Variants in AGAP1 observed in about 807,000 individuals in gnomAD.
The protein encoded by AGAP1 is ArfGAP with GTPase domain, ankyrin repeat and PH domain 1.
Under a neutral mutation model 105.3 loss-of-function variants are expected in AGAP1, and 29 were observed. The ratio of observed to expected loss-of-function variants is 0.28; its 90% CI spans 0.21 to 0.38. The LOEUF (loss-of-function observed/expected upper bound fraction) is 0.38, where lower values mean the gene tolerates loss of function less well. Among genes scored for constraint, AGAP1 ranks in the 10% least tolerant of loss-of-function variants. The pLI, the probability that AGAP1 is intolerant of heterozygous loss-of-function variation, is 1.00. For synonymous variants in AGAP1, 509 were observed against 485.9 expected (o/e 1.05, Z -0.63); for missense variants, 998 against 1,165.1 (o/e 0.86, Z 2.09).
At chr2:235,955,973 A>G (rs1052602041) in intron 12 of AGAP1, among the ~76,000 whole-genome samples, 1 of 152,190 alleles carries the variant, frequency 6.6e-6, no homozygotes, top group Non-Finnish European at 1.5e-5. Context: ...CTTTTCATAG[A>G]AACAGCTAAG....
At position 236,056,672 on chromosome 2, in the gene AGAP1, C is replaced by G. The variant is rs891475217; in HGVS notation, c.2114+7391C>G. 2.0e-5 allele frequency among the ~76,000 whole-genome samples: 3 copies of G among 152,192 alleles called. No homozygotes were observed. Among genetic ancestry groups the G allele is most frequent in the Non-Finnish European group, 4.4e-5 (3 of 68,036 alleles). Reference sequence around the variant, plus strand: ...TTTTGCTTATTTTGCACCAGAGACTCTCTGTCTTCTAGTGAACTTTTCTCT... The same window carrying G: ...TTTTGCTTATTTTGCACCAGAGACTGTCTGTCTTCTAGTGAACTTTTCTCT... On this transcript the variant is annotated intron_variant, in intron 16 of 17. Transcript: ENST00000304032. The surrounding 1 kb of genome is among the most constrained non-coding windows in gnomAD (Gnocchi z 4.6).
At chr2:235,770,213 C>T (rs558881982) in intron 6 of AGAP1, among the ~76,000 whole-genome samples, 1 of 151,622 alleles carries the variant, frequency 6.6e-6, no homozygotes, top group East Asian at 2.0e-4. Flanking sequence ...CTGTAAGCTC[C>T]GCTCCCCGGG....
chr2:235,677,645 C>T (rs1948813350), intron 1 of AGAP1, among the ~76,000 whole-genome samples: 1 of 151,620 alleles, frequency 6.6e-6, no homozygotes, highest in Non-Finnish European at 1.5e-5. Flanking sequence ...TGTTCATTTG[C>T]TTGAGACGAT....
intron 11 of AGAP1, among the ~76,000 whole-genome samples, chr2:235,910,730 C>G (rs1440871188): frequency 6.6e-6 from 1 of 152,152 alleles, no homozygotes; most frequent in African/African-American, 2.4e-5. Context: ...CCAGCCTGTC[C>G]AACATGGTGA....
chr2:235,536,406 T>C (rs868822535), intron 1 of AGAP1, among the ~76,000 whole-genome samples: 1 of 3,952 alleles, frequency 2.5e-4, no homozygotes, highest in Non-Finnish European at 3.5e-4. Context: ...TGTGGCATCC[T>C]ACACACACAC....
In AGAP1 at chr2:235,700,801, G is replaced by C. The variant is rs539578721; in HGVS notation, c.164-8378G>C. On this transcript the variant is annotated intron_variant, in intron 1 of 17. Transcript: ENST00000304032. This position sits in a 1 kb window ranked among gnomAD's most constrained non-coding sequence, Gnocchi z 6.1. ...GGCGACAAAGCGAGAATCTGTCTCT[G>C]TCTCTCTCTCTCTCTCTCTGTGTAT... Among the ~76,000 whole-genome samples, 448 of 147,462 alleles carry C rather than the reference G, an allele frequency of 3.0e-3. 1 individual carries two copies. Among genetic ancestry groups the C allele is most frequent in the Non-Finnish European group, 5.4e-3 (363 of 66,736 alleles).
At chr2:235,871,907 C>G (rs1280720765) in intron 9 of AGAP1, among the ~76,000 whole-genome samples, 1 of 152,168 alleles carries the variant, frequency 6.6e-6, no homozygotes, top group Non-Finnish European at 1.5e-5. Context: ...ACAGGGACAC[C>G]AGTGCCACGA....
In AGAP1 at chr2:235,568,783, T is replaced by C. The variant is rs552469081; in HGVS notation, c.163+73934T>C. On this transcript the variant is annotated intron_variant, in intron 1 of 17. Transcript: ENST00000304032. ...AGGGAGAATCCATTTCCTTCCCTTTTCTAGCATCCAGAAGCCACCTGCAGT... is the reference window on the plus strand; with the variant it reads ...AGGGAGAATCCATTTCCTTCCCTTTCCTAGCATCCAGAAGCCACCTGCAGT... Among the ~76,000 whole-genome samples, 3 of 152,308 alleles carry C rather than the reference T, an allele frequency of 2.0e-5. No individual in the cohort carries two copies. The East Asian group carries it at 5.8e-4, about 29-fold the overall frequency.
Position 235,942,907 on chromosome 2 carries a change from A to G in AGAP1, c.1483+11984A>G, listed in dbSNP as rs535991835. Among the ~76,000 whole-genome samples, 10 of 152,212 alleles carry G rather than the reference A, an allele frequency of 6.6e-5. No homozygotes were observed. In the East Asian group the frequency reaches 1.7e-3, roughly 26 times the overall value. ...TTTGAGACCAACCTGGGCAACATGGAGAGACCCTATCTCTACTAAAAAAAA... is the reference window on the plus strand; with the variant it reads ...TTTGAGACCAACCTGGGCAACATGGGGAGACCCTATCTCTACTAAAAAAAA... On this transcript the variant is annotated intron_variant, in intron 12 of 17. Coordinates refer to ENST00000304032, the MANE Select transcript of AGAP1 (RefSeq NM_001037131.3).
At chr2:235,817,397 A>G (rs1958519203) in intron 9 of AGAP1, among the ~76,000 whole-genome samples, 1 of 152,062 alleles carries the variant, frequency 6.6e-6, no homozygotes. Flanking sequence ...AAGTCATCAG[A>G]CAATGACATT....
At chr2:235,704,969 C>CTTTTTTTTTTTTTTT (rs969370505) in intron 1 of AGAP1, among the ~76,000 whole-genome samples, 3 of 59,694 alleles carry the variant, frequency 5.0e-5, no homozygotes, top group Admixed American at 2.0e-4. Flanking sequence ...ATGCTTTTTT[C>CTTTTTTTTTTTTTTT]TTTTTTTTTT....
Position 235,553,540 on chromosome 2 carries a change from A to G in AGAP1, c.163+58691A>G, listed in dbSNP as rs1943880019. Among the ~76,000 whole-genome samples the G allele has an allele frequency of 6.6e-6, 1 of 152,310 alleles. No homozygotes were observed. The highest frequency in any genetic ancestry group is 3.4e-3 in the Middle Eastern group (1 of 294). On this transcript the variant is annotated intron_variant, in intron 1 of 17. Coordinates refer to ENST00000304032, the MANE Select transcript of AGAP1 (RefSeq NM_001037131.3). The surrounding 1 kb of genome is among the most constrained non-coding windows in gnomAD (Gnocchi z 4.5). ...TTCTGCTAGAATCATCATTGTCAAT[A>G]TTAAGAAGGCGAGTCCACGCATCTC...
intron 1 of AGAP1, among the ~76,000 whole-genome samples, chr2:235,643,431 C>CAAAAAAAAAAAAAAAAAACAAAAAA (rs1947264605): frequency 4.9e-5 from 3 of 61,404 alleles, no homozygotes; most frequent in African/African-American, 2.1e-4. Context: ...GACTGGGTCT[C>CAAAAAAAAAAAAAAAAAACAAAAAA]AAAAAAAAAA....
chr2:236,031,395 G>C (rs1445923510), intron 13 of AGAP1, among the ~76,000 whole-genome samples: 2 of 152,164 alleles, frequency 1.3e-5, no homozygotes, highest in Admixed American at 6.5e-5. Context: ...CTTGCCCTGG[G>C]GTAGACATTG....
Position 235,610,734 on chromosome 2 carries a change from C to T in AGAP1, c.164-98445C>T, listed in dbSNP as rs1470140039. On this transcript the variant is annotated intron_variant, in intron 1 of 17. Transcript: ENST00000304032. This position sits in a 1 kb window ranked among gnomAD's most constrained non-coding sequence, Gnocchi z 4.9. ...CTCAAACGCACTGTGCTCCCGTGAG[C>T]TCCCTGCCCTGGAGTGGAAACCCTG... is the stretch of plus-strand genomic sequence containing the variant. Among the ~76,000 whole-genome samples the T allele has an allele frequency of 1.3e-5, 2 of 152,148 alleles. No individual in the cohort carries two copies. Among genetic ancestry groups the T allele is most frequent in the African/African-American group, 4.8e-5 (2 of 41,428 alleles).
rs1025232096 is a variant in AGAP1 at position 235,777,450 on chromosome 2, G to C, written c.674-20309G>C. 6.6e-6 allele frequency among the ~76,000 whole-genome samples: 1 copy of C among 152,232 alleles called. No homozygotes were observed. Among genetic ancestry groups the C allele is most frequent in the Non-Finnish European group, 1.5e-5 (1 of 68,038 alleles). ...AATTACAGGTGTGAAGCGCCCGTGTGGGGCTGATTCCCACCTGCCTCCTCG... is the reference window on the plus strand; with the variant it reads ...AATTACAGGTGTGAAGCGCCCGTGTCGGGCTGATTCCCACCTGCCTCCTCG... On this transcript the variant is annotated intron_variant, in intron 6 of 17. Transcript: ENST00000304032. The surrounding 1 kb of genome is among the most constrained non-coding windows in gnomAD (Gnocchi z 5.1).
At chr2:235,560,441 GA>G (rs1459555202) in intron 1 of AGAP1, among the ~76,000 whole-genome samples, 1 of 151,964 alleles carries the variant, frequency 6.6e-6, no homozygotes, top group Admixed American at 6.6e-5. Context: ...CTAATCCCCA[GA>G]ACTTGCGATG....
intron 1 of AGAP1, among the ~76,000 whole-genome samples, chr2:235,570,516 A>T (rs979042323): frequency 1.3e-5 from 2 of 152,218 alleles, no homozygotes; most frequent in African/African-American, 4.8e-5. Flanking sequence ...TTCCATGTAA[A>T]GGCAGCCTCC....
intron 9 of AGAP1, among the ~76,000 whole-genome samples, chr2:235,878,926 G>A (rs1376171625): frequency 1.3e-5 from 2 of 152,214 alleles, no homozygotes; most frequent in Non-Finnish European, 2.9e-5. Context: ...CCCCTTGGTG[G>A]TTGTGCTTTG....
Sources: allele counts gnomAD v4.1 joint callset (sites outside exome capture counted in the v4.1 genomes callset), GRCh38; gene constraint gnomAD v4.1.1; non-coding constraint Gnocchi (gnomAD v3.1); transcripts MANE v1.5; gene names NCBI Gene and HGNC (gene_info 2026-07-23, HGNC 2026-07-21).